The following ADAMTS3 variants were observed in gnomAD, a reference collection of about 807,000 sequenced individuals.
ADAMTS3 encodes the protein A disintegrin and metalloproteinase with thrombospondin motifs 3.
In ADAMTS3, 73 loss-of-function variants were observed where a neutral mutation model predicts 129.0. The ratio of observed to expected loss-of-function variants is 0.57; its 90% CI spans 0.47 to 0.69. ADAMTS3 has a LOEUF of 0.69. Ranked by LOEUF, ADAMTS3 falls within the 30% of genes least tolerant of loss-of-function variation. ADAMTS3 has a pLI of 0.00. For synonymous variants in ADAMTS3, 477 were observed against 510.8 expected (o/e 0.93, Z 0.89); for missense variants, 1,457 against 1,514.5 (o/e 0.96, Z 0.63).
At chr4:72,548,436 C>G in intron 3 of ADAMTS3, 42 bp downstream of exon 3, 1 of 1,587,738 alleles carries the variant, frequency 6.3e-7, no homozygotes, top group Non-Finnish European at 8.6e-7. Flanking sequence ...GGCTGCACTC[C>G]CAGCACCTGC....
intron 4 of ADAMTS3, among the ~76,000 whole-genome samples, chr4:72,357,860 C>A (rs550475034): frequency 1.3e-5 from 2 of 152,032 alleles, no homozygotes; most frequent in Admixed American, 1.3e-4. Context: ...TAAATCTATT[C>A]TATCATATGC....
intron 3 of ADAMTS3, among the ~76,000 whole-genome samples, chr4:72,434,716 G>T (rs1351503): frequency 0.97 from 147,880 of 151,860 alleles, 72,144 homozygotes; most frequent in South Asian, 1. Flanking sequence ...ATTTAGTTGA[G>T]TTGAGTTGAT....
At chr4:72,468,691 A>T (rs560722247) in intron 3 of ADAMTS3, among the ~76,000 whole-genome samples, 15 of 152,102 alleles carry the variant, frequency 9.9e-5, no homozygotes, top group African/African-American at 3.1e-4. Context: ...TTCGAACAAC[A>T]TTGCATCAAA....
In ADAMTS3 at chr4:72,288,846, C is replaced by T. The variant is rs1194980898; in HGVS notation, c.2954G>A (p.Gly985Glu). 1 of 1,612,590 alleles carries T rather than the reference C, an allele frequency of 6.2e-7. No homozygotes were observed. The highest frequency in any genetic ancestry group is 8.5e-7 in the Non-Finnish European group (1 of 1,179,316). Residue 985 changes from glycine (G) to glutamate (E), a missense_variant, in exon 21 of 22, where the codon GGA becomes GAA. By Grantham distance (98) the Gly-to-Glu change is moderately conservative (BLOSUM62 -2). Coordinates refer to ENST00000286657, the MANE Select transcript of ADAMTS3 (RefSeq NM_014243.3). Reference protein sequence around the residue: ...WSECSVTCGEGTEVRQVLCRA... With the variant: ...WSECSVTCGEETEVRQVLCRA... Reference sequence around the variant, plus strand: ...GCAGAGGACCTGCCTCACCTCCGTTCCTTCACCGCAGGTCACTGAACACTG... The same window carrying T: ...GCAGAGGACCTGCCTCACCTCCGTTTCTTCACCGCAGGTCACTGAACACTG...
intron 3 of ADAMTS3, among the ~76,000 whole-genome samples, chr4:72,422,705 C>T (rs755435653): frequency 6.6e-6 from 1 of 152,214 alleles, no homozygotes; most frequent in African/African-American, 2.4e-5. Flanking sequence ...ACACTCCTTA[C>T]TCACTAGGAG....
chr4:72,548,986 T>C (rs1721542106), intron 2 of ADAMTS3, 102 bp from the exon 3 acceptor site: 1 of 1,045,226 alleles, frequency 9.6e-7, no homozygotes, highest in African/African-American at 1.6e-5. Context: ...CATACTTCAA[T>C]GTGCATAATA....
At chr4:72,288,921 C>CAT in intron 20 of ADAMTS3, 53 bp from the exon 21 acceptor site, 1 of 735,198 alleles carries the variant, frequency 1.4e-6, no homozygotes, top group Admixed American at 2.0e-5. Context: ...AGACCATGCA[C>CAT]ATACACACAC....
chr4:72,559,595 C>A (rs7375386), intron 2 of ADAMTS3, among the ~76,000 whole-genome samples: 6 of 151,684 alleles, frequency 4.0e-5, no homozygotes, highest in Non-Finnish European at 7.4e-5. Flanking sequence ...CTAAAATGTA[C>A]GGATTAGAAT....
chr4:72,497,400 A>C (rs1719898281), intron 3 of ADAMTS3, among the ~76,000 whole-genome samples: 1 of 151,938 alleles, frequency 6.6e-6, no homozygotes, highest in East Asian at 1.9e-4. Context: ...ACAGAATGTA[A>C]CTATAAACAT....
At chr4:72,288,233 CA>C (rs1202000766) in intron 21 of ADAMTS3, among the ~76,000 whole-genome samples, 1 of 152,184 alleles carries the variant, frequency 6.6e-6, no homozygotes, top group Non-Finnish European at 1.5e-5. Flanking sequence ...TGCCATACAG[CA>C]AGTTGGCAGG....
chr4:72,488,181 G>A (rs1396146235), intron 3 of ADAMTS3, among the ~76,000 whole-genome samples: 1 of 151,870 alleles, frequency 6.6e-6, no homozygotes, highest in Non-Finnish European at 1.5e-5. Flanking sequence ...ATGCTTTGTG[G>A]TCTTGATTTA....
At chr4:72,343,845 G>A (rs1720203690) in intron 4 of ADAMTS3, among the ~76,000 whole-genome samples, 1 of 152,174 alleles carries the variant, frequency 6.6e-6, no homozygotes, top group African/African-American at 2.4e-5. Context: ...TGCCTTTTAA[G>A]CTTCTCAGAA....
At chr4:72,474,225 A>G (rs1377910751) in intron 3 of ADAMTS3, among the ~76,000 whole-genome samples, 1 of 152,236 alleles carries the variant, frequency 6.6e-6, no homozygotes, top group Non-Finnish European at 1.5e-5. Context: ...GACAATTAAT[A>G]GATGCCAACA....
Position 72,328,695 on chromosome 4 carries a change from T to TA in ADAMTS3, c.862-5599dup, listed in dbSNP as rs71215423. Among the ~76,000 whole-genome samples, 63 of 151,838 alleles carry TA rather than the reference T, an allele frequency of 4.1e-4. 1 individual carries two copies. The South Asian group carries it at 0.013, about 31-fold the overall frequency. On this transcript the variant is annotated intron_variant, in intron 5 of 21. Transcript: ENST00000286657. ...ACTTGATGCTTGGCCCTTGCAAATATAAAAAAAAATTAGCAGTAATTACTG... is the reference window on the plus strand; with the variant it reads ...ACTTGATGCTTGGCCCTTGCAAATATAAAAAAAAAATTAGCAGTAATTACTG...
intron 3 of ADAMTS3, among the ~76,000 whole-genome samples, chr4:72,458,078 G>C (rs952612114): frequency 9.9e-5 from 15 of 151,608 alleles, no homozygotes; most frequent in African/African-American, 2.9e-4. Context: ...AGCGCATCTA[G>C]AGCTGGTAAT....
rs181860405 is a variant in ADAMTS3, at chr4:72,323,165, A to G, written c.862-68T>C. 2.7e-5 allele frequency: 33 copies of G among 1,241,178 alleles called. No homozygotes were observed. In the African/African-American group the frequency reaches 4.6e-4, roughly 17 times the overall value. The allele number at this position is 1,241,178 out of a possible 1,614,324, so 76.9% of individuals were successfully genotyped here. ...GAGGATTTCATGAGATGTACATATAAGCTGTGTAATCACCACAAATAGGTG... is the reference window on the plus strand; with the variant it reads ...GAGGATTTCATGAGATGTACATATAGGCTGTGTAATCACCACAAATAGGTG... On this transcript the variant is annotated intron_variant, in intron 5 of 21. Transcript: ENST00000286657.
intron 3 of ADAMTS3, among the ~76,000 whole-genome samples, chr4:72,496,634 G>C (rs950205559): frequency 1.9e-4 from 29 of 152,052 alleles, no homozygotes; most frequent in Non-Finnish European, 4.4e-5. Context: ...AGTGTCAGAA[G>C]CCATCGATTA....
chr4:72,397,091 C>A (rs986206951), intron 4 of ADAMTS3, among the ~76,000 whole-genome samples: 6 of 152,174 alleles, frequency 3.9e-5, no homozygotes, highest in South Asian at 2.1e-4. Context: ...CTTTTCCCTG[C>A]CTCTACTCTC....
chr4:72,359,838 T>A (rs1160271430), intron 4 of ADAMTS3, among the ~76,000 whole-genome samples: 1 of 152,098 alleles, frequency 6.6e-6, no homozygotes, highest in African/African-American at 2.4e-5. Context: ...TTAAATAAAC[T>A]AATATTTTAT....
Sources: gnomAD v4.1 joint callset for allele counts (sites outside exome capture counted in the v4.1 genomes callset) on GRCh38, gnomAD v4.1.1 for gene constraint, MANE v1.5 for transcripts, NCBI Gene and HGNC (gene_info 2026-07-23, HGNC 2026-07-21) for gene names.